MYLK: variants seen among roughly 807,000 people sequenced by gnomAD.
The protein encoded by MYLK is myosin light chain kinase.
MYLK carries 106 observed loss-of-function variants against 203.4 expected under a neutral mutation model. The observed-to-expected ratio is 0.52, with a 90% CI of 0.45 to 0.61. The LOEUF is 0.61. MYLK is among the 20% of genes least tolerant of loss of function. The probability of loss-of-function intolerance (pLI) is 0.00; values close to 1 mark genes in which losing one functional copy is unlikely to be tolerated. For missense variants in MYLK, 2,072 were observed against 2,442.3 expected, an observed-to-expected ratio of 0.85 and a Z score of 3.20; for synonymous variants, 867 against 959.5, an observed-to-expected ratio of 0.90 and a Z score of 1.78.
At chr3:123,743,352 C>T (rs1351538553) in intron 5 of MYLK, among the ~76,000 whole-genome samples, 1 of 152,014 alleles carries the variant, frequency 6.6e-6, no homozygotes, top group Non-Finnish European at 1.5e-5. Context: ...AAGCAGTCAG[C>T]TAAAAATGGA....
chr3:123,721,919 T>C (rs2062102733), intron 13 of MYLK, among the ~76,000 whole-genome samples: 1 of 151,334 alleles, frequency 6.6e-6, no homozygotes, highest in African/African-American at 2.4e-5. Flanking sequence ...CAGCACTTTT[T>C]AAGGACCCTC....
At chr3:123,840,245 T>G (rs2066558646) in intron 2 of MYLK, among the ~76,000 whole-genome samples, 1 of 151,836 alleles carries the variant, frequency 6.6e-6, no homozygotes, top group Non-Finnish European at 1.5e-5. Context: ...GCCAAAAGTT[T>G]GGTTTTTGGA....
At chr3:123,826,580 C>T (rs1439113075) in intron 3 of MYLK, among the ~76,000 whole-genome samples, 1 of 152,240 alleles carries the variant, frequency 6.6e-6, no homozygotes, top group Non-Finnish European at 1.5e-5. Context: ...CAGACCACTC[C>T]TGACAGGCAC....
chr3:123,865,958 A>G (rs2032300099), intron 2 of MYLK, among the ~76,000 whole-genome samples: 1 of 152,180 alleles, frequency 6.6e-6, no homozygotes. Context: ...CCCAAGCCAC[A>G]TGGAGAGGCC....
At chr3:123,869,803 T>C (rs745859152) in intron 2 of MYLK, among the ~76,000 whole-genome samples, 14 of 152,102 alleles carry the variant, frequency 9.2e-5, no homozygotes, top group Non-Finnish European at 1.5e-4. Flanking sequence ...GATTCACCCA[T>C]CTAATAAGTT....
intron 13 of MYLK, among the ~76,000 whole-genome samples, chr3:123,720,141 T>G (rs1329796484): frequency 1.3e-5 from 2 of 152,236 alleles, no homozygotes; most frequent in African/African-American, 4.8e-5. Context: ...TGCAGGCCTC[T>G]TCTCCGAGCA....
intron 21 of MYLK, chr3:123,666,819 G>GGT (rs1225241689): frequency 1.8e-6 from 1 of 568,944 alleles, no homozygotes; most frequent in African/African-American, 1.9e-5. Flanking sequence ...TGTACACAAG[G>GGT]GTAGGGCAGA....
chr3:123,664,544 G>A (rs2059673285), intron 22 of MYLK, among the ~76,000 whole-genome samples: 1 of 152,142 alleles, frequency 6.6e-6, no homozygotes, highest in East Asian at 1.9e-4. Context: ...AAATATCCTG[G>A]TCTCCCTCTA....
intron 2 of MYLK, among the ~76,000 whole-genome samples, chr3:123,853,783 G>T (rs2031087519): frequency 6.6e-6 from 1 of 152,086 alleles, no homozygotes; most frequent in Admixed American, 6.6e-5. Flanking sequence ...TATTTTGCAT[G>T]CATGAGAAAT....
chr3:123,810,469 G>A (rs762214712), intron 3 of MYLK, among the ~76,000 whole-genome samples: 34 of 152,294 alleles, frequency 2.2e-4, no homozygotes, highest in Middle Eastern at 3.4e-3. Flanking sequence ...GGCTTGGGCC[G>A]GCCCACTGTG....
intron 3 of MYLK, among the ~76,000 whole-genome samples, chr3:123,812,912 A>AG (rs914885039): frequency 4.6e-5 from 7 of 152,142 alleles, no homozygotes; most frequent in African/African-American, 1.7e-4. Flanking sequence ...GGCACAGGGA[A>AG]GGGGGCCTTC....
chr3:123,628,680 C>A (rs914054799), intron 30 of MYLK, among the ~76,000 whole-genome samples: 2 of 152,212 alleles, frequency 1.3e-5, no homozygotes, highest in African/African-American at 2.4e-5. Context: ...GAGATTCTGT[C>A]TAGGCACACC....
chr3:123,877,855 C>A (rs2033264072), intron 1 of MYLK, among the ~76,000 whole-genome samples: 1 of 152,160 alleles, frequency 6.6e-6, no homozygotes, highest in Non-Finnish European at 1.5e-5. Context: ...AGGAATACAT[C>A]TGCTTGAGTC....
At chr3:123,711,550 G>T (rs2061694933) in intron 13 of MYLK, among the ~76,000 whole-genome samples, 1 of 152,196 alleles carries the variant, frequency 6.6e-6, no homozygotes, top group Non-Finnish European at 1.5e-5. Context: ...GGGGACTGCA[G>T]AGTGGCTGGC....
At chr3:123,739,921 C>G (rs2062806870) in intron 6 of MYLK, 32 bp downstream of exon 6, 1 of 1,613,020 alleles carries the variant, frequency 6.2e-7, no homozygotes, top group African/African-American at 1.3e-5. Context: ...AGCAATCCAA[C>G]CCTTACTCTG....
chr3:123,779,899 G>T (rs894210401), intron 4 of MYLK, among the ~76,000 whole-genome samples: 2 of 152,180 alleles, frequency 1.3e-5, no homozygotes, highest in African/African-American at 4.8e-5. Context: ...TAGAGGGTGT[G>T]GGAAGTGCAG....
rs1355539764 is a variant in MYLK at position 123,674,557 on chromosome 3, A to G, written c.3653-7370T>C. 5.3e-5 allele frequency among the ~76,000 whole-genome samples: 8 copies of G among 152,298 alleles called. No homozygotes were observed. In the South Asian group the frequency reaches 1.2e-3, roughly 24 times the overall value. On this transcript the variant is annotated intron_variant, in intron 20 of 33. Transcript: ENST00000360304. ...ACTTTCATCACAACCTCAATACTCA[A>G]TATCAGTGGTTCTCAAAATTTAGCC...
chr3:123,659,704 G>A (rs2059503592), intron 23 of MYLK: 1 of 518,166 alleles, frequency 1.9e-6, no homozygotes, highest in Admixed American at 1.9e-5. Flanking sequence ...AAGAACAGAT[G>A]TCCTTAGAAC....
intron 31 of MYLK, among the ~76,000 whole-genome samples, chr3:123,626,470 G>A (rs1314039683): frequency 1.3e-5 from 2 of 152,150 alleles, no homozygotes; most frequent in African/African-American, 4.8e-5. Context: ...CCCATTCTCA[G>A]GGTTGACAAA....
Sources: gnomAD v4.1 joint callset for allele counts (sites outside exome capture counted in the v4.1 genomes callset) on GRCh38, gnomAD v4.1.1 for gene constraint, MANE v1.5 for transcripts, NCBI Gene and HGNC (gene_info 2026-07-23, HGNC 2026-07-21) for gene names.